Variants in CAPSL observed in about 807,000 individuals in gnomAD.
CAPSL encodes calcyphosine like.
Under a neutral mutation model 21.3 loss-of-function variants are expected in CAPSL, and 17 were observed. That is an observed-to-expected ratio of 0.80 (90% CI 0.55 to 1.20). The LOEUF (loss-of-function observed/expected upper bound fraction) is 1.20. Among genes scored for constraint, CAPSL ranks in the 50% most tolerant of loss-of-function variants. The pLI, the probability that CAPSL is intolerant of heterozygous loss-of-function variation, is 0.00. For missense variants in CAPSL, 289 were observed against 259.3 expected (o/e 1.11, Z -0.79); for synonymous variants, 102 against 89.3 (o/e 1.14, Z -0.80).
intron 1 of CAPSL, among the ~76,000 whole-genome samples, chr5:35,923,262 T>C (rs1357748844): frequency 6.6e-6 from 1 of 152,120 alleles, no homozygotes; most frequent in African/African-American, 2.4e-5. Flanking sequence ...AAACCAGTCA[T>C]GGAGAGAAAG....
chr5:35,915,729 T>C (rs1738362030), intron 2 of CAPSL, among the ~76,000 whole-genome samples: 1 of 152,154 alleles, frequency 6.6e-6, no homozygotes. Flanking sequence ...ATAAGAGCTA[T>C]CTATGACAAA....
Position 35,909,897 on chromosome 5 carries a change from T to A in CAPSL, c.494A>T (p.Asn165Ile). ...ATCTTTGTCATAGGGTGAATCAAAG[T>A]TATCCAGAAATTTCCTAAATACTTG... ...EEQVFRKFLDNFDSPYDKDGL... is the reference protein window; with the variant it reads ...EEQVFRKFLDIFDSPYDKDGL... The change falls in exon 4 of 5, where the codon AAC (asparagine) becomes ATC (isoleucine). Residue 165 changes from asparagine (N) to isoleucine (I), a missense_variant. Transcript: ENST00000651391. 6.2e-7 allele frequency: 1 copy of A among 1,613,446 alleles called. No individual in the cohort carries two copies. Among genetic ancestry groups the A allele is most frequent in the Non-Finnish European group, 8.5e-7 (1 of 1,179,836 alleles).
intron 1 of CAPSL, among the ~76,000 whole-genome samples, chr5:35,933,421 C>A (rs1015828188): frequency 6.6e-6 from 1 of 152,086 alleles, no homozygotes; most frequent in Non-Finnish European, 1.5e-5. Context: ...GGTAGAAAAA[C>A]CAAGATTCTG....
intron 4 of CAPSL, among the ~76,000 whole-genome samples, chr5:35,905,397 T>C (rs1365600920): frequency 6.6e-6 from 1 of 152,208 alleles, no homozygotes; most frequent in African/African-American, 2.4e-5. Context: ...GTTGGGGACA[T>C]ACCTATGCCT....
intron 1 of CAPSL, among the ~76,000 whole-genome samples, chr5:35,925,878 A>G (rs756990404): frequency 2.6e-5 from 4 of 152,020 alleles, no homozygotes; most frequent in Non-Finnish European, 5.9e-5. Context: ...GGAGTTCAAG[A>G]CCAGCCTGGC....
intron 2 of CAPSL, among the ~76,000 whole-genome samples, chr5:35,917,028 A>G (rs1379037363): frequency 1.3e-5 from 2 of 152,176 alleles, no homozygotes; most frequent in Non-Finnish European, 2.9e-5. Flanking sequence ...AGAAAAAAAC[A>G]CACAACCCCA....
At chr5:35,924,016 A>AC (rs141532938) in intron 1 of CAPSL, among the ~76,000 whole-genome samples, 40,394 of 151,570 alleles carry the variant, frequency 0.27, 5,686 homozygotes, top group African/African-American at 0.35. Context: ...TTATCTGTCA[A>AC]TTTAAAAAAA....
intron 4 of CAPSL, among the ~76,000 whole-genome samples, chr5:35,907,783 A>G (rs1302577762): frequency 6.6e-6 from 1 of 152,246 alleles, no homozygotes; most frequent in Non-Finnish European, 1.5e-5. Flanking sequence ...AAATGAGCAC[A>G]CTGGCTTCAA....
intron 2 of CAPSL, among the ~76,000 whole-genome samples, chr5:35,918,721 G>A (rs946461771): frequency 2.0e-5 from 3 of 152,102 alleles, no homozygotes; most frequent in Admixed American, 2.0e-4. Flanking sequence ...GTCATTAAAT[G>A]GTTGACTTGA....
chr5:35,935,089 CTA>C (rs1738911101), intron 1 of CAPSL, among the ~76,000 whole-genome samples: 1 of 152,148 alleles, frequency 6.6e-6, no homozygotes, highest in South Asian at 2.1e-4. Context: ...GACAAACTTC[CTA>C]TGTTTCTCTT....
intron 1 of CAPSL, among the ~76,000 whole-genome samples, chr5:35,922,518 T>C (rs1279125778): frequency 1.3e-5 from 2 of 152,196 alleles, no homozygotes; most frequent in Non-Finnish European, 2.9e-5. Flanking sequence ...CCCAGCTCTT[T>C]ACTCCACATT....
At position 35,904,301 on chromosome 5, in the gene CAPSL, G is replaced by C; in HGVS notation, c.*244C>G. 1.8e-6 allele frequency: 1 copy of C among 540,840 alleles called. No homozygotes were observed. The highest frequency in any genetic ancestry group is 2.3e-5 in the South Asian group (1 of 42,634). 33.5% of individuals were successfully genotyped at this position (540,840 alleles called of 1,614,324 possible). Reference sequence around the variant, plus strand: ...TCAGCACAGCACTAGGAGCTTTACAGAGCTCATTTTATTTAAGTCCTATTT... The same window carrying C: ...TCAGCACAGCACTAGGAGCTTTACACAGCTCATTTTATTTAAGTCCTATTT... On this transcript the variant is annotated 3_prime_UTR_variant, in exon 5 of 5. Coordinates refer to ENST00000651391, the MANE Select transcript of CAPSL (RefSeq NM_001042625.2).
intron 3 of CAPSL, 94 bp downstream of exon 3, chr5:35,910,272 A>T: frequency 1.5e-6 from 2 of 1,362,618 alleles, no homozygotes; most frequent in Non-Finnish European, 2.0e-6. Context: ...CCCACAGTGT[A>T]CTAACAACTT....
rs1554069748 is a variant in CAPSL at position 35,919,170 on chromosome 5, A to ATTATATATATATATATATATATAT, written c.137+1813_137+1814insATATATATATATATATATATATAA. Among the ~76,000 whole-genome samples, 98 of 121,228 alleles carry ATTATATATATATATATATATATAT rather than the reference A, an allele frequency of 8.1e-4. 3 individuals carry two copies. The highest frequency in any genetic ancestry group is 2.7e-3 in the African/African-American group (90 of 33,804). 79.5% of individuals were successfully genotyped at this position (121,228 alleles called of 152,430 possible). A position where few individuals can be genotyped will look rare whatever the true frequency, so the allele number is the denominator to read the frequency against. ...AGTATCTTTCCTGATTAAAAAAAAA[A>ATTATATATATATATATATATATAT]ATATATATATATATATATATAAAAA... On this transcript the variant is annotated intron_variant, in intron 2 of 4. Transcript: ENST00000651391.
intron 4 of CAPSL, among the ~76,000 whole-genome samples, chr5:35,906,149 AT>A (rs1157748124): frequency 6.6e-6 from 1 of 152,148 alleles, no homozygotes; most frequent in East Asian, 1.9e-4. Flanking sequence ...TTTGAGGAAC[AT>A]TTTTTACAGC....
At chr5:35,919,806 C>G (rs1738488915) in intron 2 of CAPSL, among the ~76,000 whole-genome samples, 1 of 152,082 alleles carries the variant, frequency 6.6e-6, no homozygotes, top group Non-Finnish European at 1.5e-5. Flanking sequence ...GGAACGGTGT[C>G]CATTGACTGT....
chr5:35,916,605 T>C (rs1396675955), intron 2 of CAPSL, among the ~76,000 whole-genome samples: 1 of 152,018 alleles, frequency 6.6e-6, no homozygotes, highest in Non-Finnish European at 1.5e-5. Context: ...CAAAAACAAG[T>C]AATGGGGAAA....
chr5:35,919,186 T>TAC (rs1738473115), intron 2 of CAPSL, among the ~76,000 whole-genome samples: 1 of 145,898 alleles, frequency 6.9e-6, no homozygotes, highest in Non-Finnish European at 1.5e-5. Context: ...TATATATATA[T>TAC]ATATAAAAAT....
chr5:35,919,170 A>AAAAATATATATAT (rs754098152), intron 2 of CAPSL, among the ~76,000 whole-genome samples: 1 of 121,274 alleles, frequency 8.2e-6, no homozygotes, highest in East Asian at 2.2e-4. Flanking sequence ...TAAAAAAAAA[A>AAAAATATATATAT]ATATATATAT....
Sources: allele counts gnomAD v4.1 joint callset (sites outside exome capture counted in the v4.1 genomes callset), GRCh38; gene constraint gnomAD v4.1.1; transcripts MANE v1.5; gene names NCBI Gene and HGNC (gene_info 2026-07-23, HGNC 2026-07-21).